Variants in FMN1 observed in about 807,000 individuals in gnomAD.
FMN1 encodes the protein formin 1.
In FMN1, 110 loss-of-function variants were observed where a neutral mutation model predicts 132.4. The ratio of observed to expected loss-of-function variants is 0.83; its 90% CI spans 0.71 to 0.97. FMN1 has a LOEUF of 0.97. Ranked by LOEUF, FMN1 falls within the 50% of genes least tolerant of loss-of-function variation. The probability of loss-of-function intolerance (pLI) is 0.00; values close to 1 mark genes in which losing one functional copy is unlikely to be tolerated. For missense variants in FMN1, 1,792 were observed against 1,705.3 expected (o/e 1.05, Z -0.90); for synonymous variants, 722 against 651.7 (o/e 1.11, Z -1.64).
intron 19 of FMN1, 35 bp from the exon 20 acceptor site, chr15:32,776,954 G>A (rs928052142): frequency 2.3e-6 from 3 of 1,301,432 alleles, no homozygotes; most frequent in Middle Eastern, 1.8e-4. Context: ...AGGGGAGAGA[G>A]GGAAAAGAAA....
At chr15:33,067,889 C>A in intron 5 of FMN1, 2 of 1,599,908 alleles carry the variant, frequency 1.3e-6, no homozygotes, top group East Asian at 2.2e-5. Flanking sequence ...CTCCATGTCT[C>A]AGTAATGCCC....
chr15:33,003,931 C>G (rs886535428), intron 7 of FMN1, among the ~76,000 whole-genome samples: 2 of 152,136 alleles, frequency 1.3e-5, no homozygotes, highest in South Asian at 2.1e-4. Context: ...CTAACAAAAA[C>G]AAGCAATGGG....
intron 6 of FMN1, among the ~76,000 whole-genome samples, chr15:33,048,644 A>AAAAAAAAAAAAAAAAAAAC: frequency 6.9e-5 from 6 of 86,916 alleles, no homozygotes; most frequent in African/African-American, 2.5e-4. Flanking sequence ...AAAAAAAAAA[A>AAAAAAAAAAAAAAAAAAAC]AAAAACCAAC....
At chr15:32,962,301 G>A (rs2030658667) in intron 9 of FMN1, among the ~76,000 whole-genome samples, 1 of 152,088 alleles carries the variant, frequency 6.6e-6, no homozygotes, top group Admixed American at 6.5e-5. Flanking sequence ...GTAGAAAGCT[G>A]AAACTGGATC....
At chr15:32,988,070 T>C (rs866997502) in intron 7 of FMN1, among the ~76,000 whole-genome samples, 147 of 103,180 alleles carry the variant, frequency 1.4e-3, no homozygotes, top group African/African-American at 4.8e-3. Flanking sequence ...TTTTTTTTTT[T>C]CTTTTTTTAG....
At chr15:32,833,843 G>A (rs183754028) in intron 17 of FMN1, among the ~76,000 whole-genome samples, 70 of 152,188 alleles carry the variant, frequency 4.6e-4, no homozygotes, top group Non-Finnish European at 9.3e-4. Context: ...GAATCAATAG[G>A]GCAAAGGAAT....
chr15:33,164,579 C>T (rs1206082586), intron 3 of FMN1, among the ~76,000 whole-genome samples: 4 of 152,136 alleles, frequency 2.6e-5, no homozygotes, highest in Non-Finnish European at 5.9e-5. Context: ...TCAAAGACGT[C>T]GAGGAATTCT....
chr15:33,115,808 G>GA (rs1406724212), intron 4 of FMN1, among the ~76,000 whole-genome samples: 2 of 152,036 alleles, frequency 1.3e-5, no homozygotes, highest in Non-Finnish European at 2.9e-5. Flanking sequence ...TCCACCTTAT[G>GA]GCTTGACTCT....
At chr15:33,160,836 A>G (rs1964860515) in intron 3 of FMN1, among the ~76,000 whole-genome samples, 1 of 152,160 alleles carries the variant, frequency 6.6e-6, no homozygotes, top group South Asian at 2.1e-4. Flanking sequence ...CATTCTGTCT[A>G]TGACAACATT....
At chr15:33,159,189 A>G (rs1964794714) in intron 3 of FMN1, among the ~76,000 whole-genome samples, 2 of 152,196 alleles carry the variant, frequency 1.3e-5, no homozygotes, top group Admixed American at 1.3e-4. Flanking sequence ...CTCTAAATAA[A>G]TAAGTAAAAA....
chr15:33,033,710 C>G (rs2036057011), intron 6 of FMN1, among the ~76,000 whole-genome samples: 1 of 151,044 alleles, frequency 6.6e-6, no homozygotes. Flanking sequence ...CTCTCAAAGT[C>G]ACCTACATAC....
At chr15:33,073,479 T>A (rs564241855) in intron 5 of FMN1, among the ~76,000 whole-genome samples, 41 of 152,312 alleles carry the variant, frequency 2.7e-4, no homozygotes, top group African/African-American at 9.9e-4. Context: ...AAGTAAGTTC[T>A]GAATAAAGAT....
chr15:33,012,483 T>A lies in FMN1; in HGVS notation c.2162-4408A>T, dbSNP rs1217539544. On this transcript the variant is annotated intron_variant, in intron 6 of 20. Coordinates refer to ENST00000616417, the MANE Select transcript of FMN1 (RefSeq NM_001277313.2). ...ACACAGAAGAACATCACCTAAGAGA[T>A]TATTTTCAACAGTATGGAAAAATGG... 48 of 1,218,174 alleles carry A rather than the reference T, an allele frequency of 3.9e-5. No homozygotes were observed. In the South Asian group the frequency reaches 5.4e-4, roughly 14 times the overall value. The allele number at this position is 1,218,174 out of a possible 1,614,324, so 75.5% of individuals were successfully genotyped here.
chr15:32,903,588 A>G (rs2060348542), intron 12 of FMN1, among the ~76,000 whole-genome samples: 1 of 152,212 alleles, frequency 6.6e-6, no homozygotes, highest in Non-Finnish European at 1.5e-5. Context: ...CAGAGCATGT[A>G]CACTTCCTAT....
chr15:33,019,550 G>A (rs560840638), intron 6 of FMN1, among the ~76,000 whole-genome samples: 1 of 152,306 alleles, frequency 6.6e-6, no homozygotes, highest in African/African-American at 2.4e-5. Context: ...TTGTCGGGGA[G>A]GCTCTGGCAG....
chr15:33,018,269 G>A (rs1375252916), intron 6 of FMN1, among the ~76,000 whole-genome samples: 1 of 151,988 alleles, frequency 6.6e-6, no homozygotes, highest in African/African-American at 2.4e-5. Flanking sequence ...TTTCCAAAGT[G>A]ATGTCTTTTT....
chr15:33,089,889 G>A (rs2038844179), intron 4 of FMN1, among the ~76,000 whole-genome samples: 1 of 152,174 alleles, frequency 6.6e-6, no homozygotes, highest in South Asian at 2.1e-4. Flanking sequence ...GCTACATACT[G>A]TATCTCTTAA....
intron 7 of FMN1, among the ~76,000 whole-genome samples, chr15:32,984,978 C>CAAAAAAAAAAAAAAAAAAAAAAAAAAAA (rs11330959): frequency 4.7e-4 from 46 of 97,234 alleles, no homozygotes; most frequent in African/African-American, 8.9e-4. Flanking sequence ...CATCCATCAC[C>CAAAAAAAAAAAAAAAAAAAAAAAAAAAA]AAAAAAAAAA....
chr15:32,778,204 AT>A (rs1431628820), intron 19 of FMN1, among the ~76,000 whole-genome samples: 3 of 132,618 alleles, frequency 2.3e-5, no homozygotes, highest in Admixed American at 8.6e-5. Flanking sequence ...TAATACATTT[AT>A]TTATATATTA....
Sources: gnomAD v4.1 joint callset for allele counts (sites outside exome capture counted in the v4.1 genomes callset) on GRCh38, gnomAD v4.1.1 for gene constraint, MANE v1.5 for transcripts, NCBI Gene and HGNC (gene_info 2026-07-23, HGNC 2026-07-21) for gene names.